The following PCDHA3 variants were observed in gnomAD, a reference collection of about 807,000 sequenced individuals.
PCDHA3 encodes the protein protocadherin alpha-3.
In PCDHA3, 41 loss-of-function variants were observed where a neutral mutation model predicts 62.2. The observed-to-expected ratio is 0.66, with a 90% CI of 0.51 to 0.86. The LOEUF is 0.86. Ranked by LOEUF, PCDHA3 falls within the 40% of genes least tolerant of loss-of-function variation. The pLI is 0.00. For missense variants in PCDHA3, 1,304 were observed against 1,241.2 expected, an observed-to-expected ratio of 1.05 and a Z score of -0.76; for synonymous variants, 640 against 555.4, an observed-to-expected ratio of 1.15 and a Z score of -2.14.
intron 1 of PCDHA3, chr5:140,967,908 A>T (rs554849478): frequency 6.2e-7 from 1 of 1,614,138 alleles, no homozygotes; most frequent in Non-Finnish European, 8.5e-7. Context: ...GCTACACCCA[A>T]CACCATTGTG....
intron 1 of PCDHA3, chr5:140,841,579 G>T: frequency 6.2e-7 from 1 of 1,614,044 alleles, no homozygotes; most frequent in South Asian, 1.1e-5. Context: ...TTTTGTTTGT[G>T]AATTCTCGGA....
Position 140,922,465 on chromosome 5 carries a change from T to C in PCDHA3, c.2395-56484T>C, listed in dbSNP as rs116670359. ...CATTATCCTATTTGTCAACACAAAA[T>C]AGGAGAGAAGGCAGGACTAAATCTG... On this transcript the variant is annotated intron_variant, in intron 1 of 3. Transcript: ENST00000522353. Among the ~76,000 whole-genome samples the C allele has an allele frequency of 8.9e-3, 1,361 of 152,304 alleles. 16 individuals carry two copies. Among genetic ancestry groups the C allele is most frequent in the African/African-American group, 0.031 (1,303 of 41,562 alleles).
At chr5:140,808,153 C>T in intron 1 of PCDHA3, 1 of 1,614,034 alleles carries the variant, frequency 6.2e-7, no homozygotes, top group Non-Finnish European at 8.5e-7. Context: ...TTGTAGAGGG[C>T]ATTGATAAGG....
chr5:140,813,367 A>G (rs1267239174), intron 1 of PCDHA3: 1 of 152,212 alleles, frequency 6.6e-6, no homozygotes, highest in Non-Finnish European at 1.5e-5. Context: ...CCTACTACAG[A>G]CCTAGGTTAC....
intron 1 of PCDHA3, chr5:140,858,270 G>A (rs1554151358): frequency 6.3e-7 from 1 of 1,597,416 alleles, no homozygotes; most frequent in South Asian, 1.1e-5. Flanking sequence ...GTGTGCTCTA[G>A]CGCGGTGGGG....
intron 1 of PCDHA3, chr5:140,811,408 T>C (rs1764861885): frequency 6.6e-6 from 1 of 152,244 alleles, no homozygotes; most frequent in Non-Finnish European, 1.5e-5. Context: ...CGGTCTATCA[T>C]TGATGGACAT....
chr5:141,002,166 G>A (rs1212034616), intron 3 of PCDHA3, among the ~76,000 whole-genome samples: 1 of 152,234 alleles, frequency 6.6e-6, no homozygotes, highest in Non-Finnish European at 1.5e-5. Context: ...TGGGCGGTAG[G>A]CAGGCTCCAG....
intron 1 of PCDHA3, chr5:140,814,509 A>G (rs2126656172): frequency 2.6e-5 from 4 of 151,954 alleles, no homozygotes; most frequent in Non-Finnish European, 5.9e-5. Flanking sequence ...GTAAAATACC[A>G]CTAAAAAGTA....
At chr5:140,972,691 G>A (rs1213069719) in intron 1 of PCDHA3, among the ~76,000 whole-genome samples, 3 of 137,348 alleles carry the variant, frequency 2.2e-5, no homozygotes, top group Admixed American at 1.5e-4. Flanking sequence ...TTGAGATGGA[G>A]TCTCACTCTG....
intron 1 of PCDHA3, chr5:140,883,858 G>C (rs2059854560): frequency 6.2e-7 from 1 of 1,613,142 alleles, no homozygotes; most frequent in Middle Eastern, 1.8e-4. Context: ...AGCTGGAGCT[G>C]TTGCAGTTCC....
chr5:140,846,375 T>C (rs1343413352), intron 1 of PCDHA3, among the ~76,000 whole-genome samples: 4 of 125,488 alleles, frequency 3.2e-5, no homozygotes, highest in African/African-American at 1.0e-4. Context: ...CTTTCTTTCT[T>C]TTTTTTTTTT....
chr5:140,802,274 A>G lies in PCDHA3; in HGVS notation c.1077A>G (p.Val359=), dbSNP rs1034128060. 3 of 1,614,120 alleles carry G rather than the reference A, an allele frequency of 1.9e-6. No individual in the cohort carries two copies. Among genetic ancestry groups the G allele is most frequent in the African/African-American group, 1.3e-5 (1 of 74,924 alleles). ...ELVIQSLSLP[V]LEDSPLSTVI... ...TTATTCAATCACTATCTTTACCTGT[A>G]TTAGAAGACTCTCCACTTAGCACAG... Residue 359 remains valine, a synonymous_variant, in exon 1 of 4, where the codon GTA becomes GTG. Transcript: ENST00000522353.
At chr5:140,870,065 C>T (rs2051628168) in intron 1 of PCDHA3, 2 of 1,613,794 alleles carry the variant, frequency 1.2e-6, no homozygotes, top group Non-Finnish European at 1.7e-6. Flanking sequence ...GAAGTACAGG[C>T]TACAGATAAG....
At position 140,803,381 on chromosome 5, in the gene PCDHA3, C is replaced by A. The variant is rs376460699; in HGVS notation, c.2184C>A (p.Thr728=). ...YTALRCSAPP[T]EGDCGPGKPT... The stretch of plus-strand genomic sequence containing the variant: ...CTCTGCGGTGCTCCGCGCCGCCAAC[C>A]GAAGGCGACTGTGGGCCGGGCAAGC... The change falls in exon 1 of 4, where the codon ACC becomes ACA. Residue 728 remains threonine (T), a synonymous_variant. Coordinates refer to ENST00000522353, the MANE Select transcript of PCDHA3 (RefSeq NM_018906.3). 62 of 1,614,094 alleles carry A rather than the reference C, an allele frequency of 3.8e-5. No individual in the cohort carries two copies. In the South Asian group the frequency reaches 5.1e-4, roughly 13 times the overall value.
At chr5:140,928,220 C>G in intron 1 of PCDHA3, 1 of 1,614,166 alleles carries the variant, frequency 6.2e-7, no homozygotes. Context: ...GACAATACAC[C>G]AAACTTTCCT....
rs148181752 is a variant in PCDHA3, at chr5:140,966,860, TTGCTGC to T, written c.2395-12081_2395-12076del. 7,760 of 1,577,476 alleles carry T rather than the reference TTGCTGC, an allele frequency of 4.9e-3. 268 individuals are homozygous for T. The African/African-American group carries it at 0.086, about 18-fold the overall frequency. ...GCTGCTACTGCCTCTCCTGCTGCTG[TTGCTGC>T]TGCTGCTACCTGGCCCTGCGGCCTC... On this transcript the variant is annotated intron_variant, in intron 1 of 3. Coordinates refer to ENST00000522353, the MANE Select transcript of PCDHA3 (RefSeq NM_018906.3).
chr5:140,847,831 C>T (rs2150404458), intron 1 of PCDHA3: 1 of 149,692 alleles, frequency 6.7e-6, no homozygotes, highest in East Asian at 1.9e-4. Flanking sequence ...AAGAAAACTA[C>T]CTCAGTTGGT....
chr5:140,951,008 G>A (rs563188363), intron 1 of PCDHA3, among the ~76,000 whole-genome samples: 2 of 151,974 alleles, frequency 1.3e-5, no homozygotes, highest in South Asian at 4.2e-4. Flanking sequence ...TTTTTCCCAA[G>A]ATCAGGCAGT....
chr5:140,849,320 G>C, intron 1 of PCDHA3: 10 of 1,335,992 alleles, frequency 7.5e-6, no homozygotes, highest in Non-Finnish European at 1.0e-5. Flanking sequence ...GCTTGAATGG[G>C]GATATTATTT....
Sources: gnomAD v4.1 joint callset for allele counts (sites outside exome capture counted in the v4.1 genomes callset) on GRCh38, gnomAD v4.1.1 for gene constraint, MANE v1.5 for transcripts, NCBI Gene and HGNC (gene_info 2026-07-23, HGNC 2026-07-21) for gene names.